Variants in CAMKMT observed in about 807,000 individuals in gnomAD.
The protein encoded by CAMKMT is CaM KMT.
CAMKMT carries 53 observed loss-of-function variants against 48.0 expected under a neutral mutation model. The observed-to-expected ratio is 1.10, with a 90% CI of 0.89 to 1.39. The LOEUF is 1.39. Among genes scored for constraint, CAMKMT ranks in the 40% most tolerant of loss-of-function variants. CAMKMT has a pLI of 0.00. For synonymous variants in CAMKMT, 165 were observed against 152.3 expected (o/e 1.08, Z -0.61); for missense variants, 428 against 402.7 (o/e 1.06, Z -0.54).
At chr2:44,727,119 A>G (rs896482336) in intron 7 of CAMKMT, among the ~76,000 whole-genome samples, 1 of 152,158 alleles carries the variant, frequency 6.6e-6, no homozygotes, top group Non-Finnish European at 1.5e-5. Context: ...TTGGTTCCAT[A>G]TGAATTTTAA....
At position 44,698,176 on chromosome 2, in the gene CAMKMT, CA is replaced by C. The variant is rs1422755826; in HGVS notation, c.377-6105del. ...TAGTTAGTGTATTCACACACTTGTGCAACTGTCACCACAATTTTAGAATATT... is the reference window on the plus strand; with the variant it reads ...TAGTTAGTGTATTCACACACTTGTGCACTGTCACCACAATTTTAGAATATT... On this transcript the variant is annotated intron_variant, in intron 3 of 10. Transcript: ENST00000378494. Among the ~76,000 whole-genome samples the C allele has an allele frequency of 2.0e-5, 3 of 152,196 alleles. No homozygotes were observed. The East Asian group carries it at 5.8e-4, about 29-fold the overall frequency.
At chr2:44,566,565 G>C (rs1452060031) in intron 3 of CAMKMT, among the ~76,000 whole-genome samples, 1 of 152,088 alleles carries the variant, frequency 6.6e-6, no homozygotes, top group Non-Finnish European at 1.5e-5. Context: ...AGGCCACCGT[G>C]GGGGCTTCTA....
chr2:44,526,775 C>T (rs1666134868), intron 3 of CAMKMT, among the ~76,000 whole-genome samples: 1 of 152,048 alleles, frequency 6.6e-6, no homozygotes, highest in Non-Finnish European at 1.5e-5. Context: ...AGGCACACCC[C>T]AAAATAGTAT....
At chr2:44,709,819 T>A (rs1453122894) in intron 6 of CAMKMT, among the ~76,000 whole-genome samples, 1 of 152,030 alleles carries the variant, frequency 6.6e-6, no homozygotes, top group East Asian at 1.9e-4. Flanking sequence ...AAAGTGGATG[T>A]CAACAAAAAA....
chr2:44,735,050 ATAT>A (rs1679283961), intron 7 of CAMKMT, among the ~76,000 whole-genome samples: 1 of 152,182 alleles, frequency 6.6e-6, no homozygotes, highest in African/African-American at 2.4e-5. Context: ...CAGTGCGTGA[ATAT>A]TTAGAATTGT....
At chr2:44,720,276 A>G (rs1251941672) in intron 7 of CAMKMT, among the ~76,000 whole-genome samples, 1 of 152,196 alleles carries the variant, frequency 6.6e-6, no homozygotes, top group South Asian at 2.1e-4. Context: ...TTATTTTAGA[A>G]TAACATTGTA....
intron 3 of CAMKMT, among the ~76,000 whole-genome samples, chr2:44,461,501 C>G (rs1370219147): frequency 6.6e-6 from 1 of 152,118 alleles, no homozygotes; most frequent in Non-Finnish European, 1.5e-5. Flanking sequence ...CACTGTTACT[C>G]TATGGCAACC....
At chr2:44,755,440 A>G (rs901855547) in intron 9 of CAMKMT, among the ~76,000 whole-genome samples, 6 of 152,176 alleles carry the variant, frequency 3.9e-5, no homozygotes, top group Non-Finnish European at 7.4e-5. Context: ...GGGGCGGCTC[A>G]AGATTCTTGA....
intron 10 of CAMKMT, among the ~76,000 whole-genome samples, chr2:44,770,311 G>T (rs555003116): frequency 6.6e-6 from 1 of 152,242 alleles, no homozygotes; most frequent in Non-Finnish European, 1.5e-5. Context: ...TTGTGGAAAG[G>T]TCTCACAGGC....
chr2:44,719,105 A>G lies in CAMKMT; in HGVS notation c.623+3752A>G, dbSNP rs527260059. 2.0e-5 allele frequency among the ~76,000 whole-genome samples: 3 copies of G among 152,198 alleles called. No individual in the cohort carries two copies. The East Asian group carries it at 5.8e-4, about 29-fold the overall frequency. ...CTGCCCTTATATCCACATCTCATCT[A>G]GCTGCTGCCTCCTCTTTTGGTTACC... On this transcript the variant is annotated intron_variant, in intron 7 of 10. Coordinates refer to ENST00000378494, the MANE Select transcript of CAMKMT (RefSeq NM_024766.5).
At chr2:44,740,376 C>T (rs375652334) in intron 7 of CAMKMT, among the ~76,000 whole-genome samples, 5 of 152,030 alleles carry the variant, frequency 3.3e-5, no homozygotes, top group East Asian at 1.9e-4. Context: ...GCAATCCACC[C>T]GCTTCGGTCT....
At chr2:44,666,947 T>TAACCA (rs1053075307) in intron 3 of CAMKMT, among the ~76,000 whole-genome samples, 1 of 152,208 alleles carries the variant, frequency 6.6e-6, no homozygotes, top group Non-Finnish European at 1.5e-5. Context: ...GGAGGAGAAG[T>TAACCA]AACCAATTTG....
At chr2:44,601,418 T>A (rs1670982732) in intron 3 of CAMKMT, among the ~76,000 whole-genome samples, 1 of 152,042 alleles carries the variant, frequency 6.6e-6, no homozygotes, top group African/African-American at 2.4e-5. Context: ...ATTGCGCCAT[T>A]GCACTCCAGC....
intron 2 of CAMKMT, among the ~76,000 whole-genome samples, chr2:44,382,678 A>G (rs931888392): frequency 2.6e-5 from 4 of 151,702 alleles, no homozygotes; most frequent in Non-Finnish European, 5.9e-5. Flanking sequence ...ACAGGGTTTC[A>G]CTGTGTTAGC....
At chr2:44,444,697 C>A (rs1191908419) in intron 3 of CAMKMT, among the ~76,000 whole-genome samples, 1 of 152,192 alleles carries the variant, frequency 6.6e-6, no homozygotes, top group Admixed American at 6.5e-5. Context: ...AATTATCCTG[C>A]AAATCCTGCC....
chr2:44,399,494 A>G (rs1067334), intron 3 of CAMKMT, among the ~76,000 whole-genome samples: 113,044 of 151,692 alleles, frequency 0.75, 43,125 homozygotes, highest in African/African-American at 0.87. Context: ...GGGGGCATTG[A>G]TTCTTATTGC....
At chr2:44,471,275 G>T (rs1227691609) in intron 3 of CAMKMT, among the ~76,000 whole-genome samples, 1 of 152,066 alleles carries the variant, frequency 6.6e-6, no homozygotes, top group Non-Finnish European at 1.5e-5. Flanking sequence ...ACAGGGGTGA[G>T]CCACCGCGCC....
intron 3 of CAMKMT, among the ~76,000 whole-genome samples, chr2:44,429,259 ATGTGTGTGTGTGTGTGTATGTGTG>A (rs1316121721): frequency 7.6e-6 from 1 of 131,874 alleles, no homozygotes; most frequent in Non-Finnish European, 1.6e-5. Flanking sequence ...TTTTATATAT[ATGTGTGTGTGTGTGTGTATGTGTG>A]TGTGTGTGTG....
rs535149234 is a variant in CAMKMT at position 44,456,047 on chromosome 2, G to C, written c.376+65742G>C. ...CCTACTAATAAACTCTTTGAGGATA[G>C]GGAACATGCTGTATGCTACCAGTCT... On this transcript the variant is annotated intron_variant, in intron 3 of 10. Transcript: ENST00000378494. Among the ~76,000 whole-genome samples, 30 of 152,230 alleles carry C rather than the reference G, an allele frequency of 2.0e-4. No homozygotes were observed. The South Asian group carries it at 6.2e-3, about 32-fold the overall frequency.
Sources: gnomAD v4.1 joint callset for allele counts (sites outside exome capture counted in the v4.1 genomes callset) on GRCh38, gnomAD v4.1.1 for gene constraint, MANE v1.5 for transcripts, NCBI Gene and HGNC (gene_info 2026-07-23, HGNC 2026-07-21) for gene names.